SEL1L3: variants seen among roughly 807,000 people sequenced by gnomAD.
The protein encoded by SEL1L3 is SEL1L family member 3.
In SEL1L3, 76 loss-of-function variants were observed where a neutral mutation model predicts 142.8. The observed-to-expected ratio is 0.53, with a 90% confidence interval of 0.44 to 0.64. SEL1L3 has a LOEUF of 0.64. SEL1L3 is among the 30% of genes least tolerant of loss of function. SEL1L3 has a pLI of 0.00. For synonymous variants in SEL1L3, 504 were observed against 519.6 expected (o/e 0.97, Z 0.41); for missense variants, 1,262 against 1,381.7 (o/e 0.91, Z 1.37).
At chr4:25,719,007 T>C in the SEL1L3 span, 1 of 152,080 alleles carries the variant, frequency 6.6e-6, no homozygotes, top group Non-Finnish European at 1.5e-5. Context: ...AGAAACCCCG[T>C]CTCTACTAAA....
chr4:25,739,760 A>ATGTG, the SEL1L3 span, among the ~76,000 whole-genome samples: 261 of 146,530 alleles, frequency 1.8e-3, 1 homozygote, highest in Middle Eastern at 0.011. Context: ...AGAAAAAATA[A>ATGTG]TGTGTGTGTG....
At chr4:25,806,588 G>A (rs1414311447) in intron 9 of SEL1L3, among the ~76,000 whole-genome samples, 8 of 152,102 alleles carry the variant, frequency 5.3e-5, no homozygotes, top group Admixed American at 5.2e-4. Flanking sequence ...GGTGGGTTGG[G>A]TGTCCCTGAG....
chr4:25,798,870 G>A lies in SEL1L3; in HGVS notation c.1956+3413C>T, dbSNP rs116285754. On this transcript the variant is annotated intron_variant, in intron 11 of 23. Transcript: ENST00000399878. ...AAGAAAGAAAGACCGGGGAGGAGGG[G>A]GTCTCCATCTGCTAGGGCTGCCATA... Among the ~76,000 whole-genome samples the A allele has an allele frequency of 3.8e-3, 578 of 152,032 alleles. 2 individuals are homozygous for A. Among genetic ancestry groups the A allele is most frequent in the African/African-American group, 0.013 (547 of 41,464 alleles).
chr4:25,845,426 G>A (rs367594341), intron 2 of SEL1L3, among the ~76,000 whole-genome samples: 20 of 152,292 alleles, frequency 1.3e-4, no homozygotes, highest in East Asian at 1.2e-3. Flanking sequence ...AGCCCAGGAT[G>A]TTGAGGCTAT....
Position 25,757,602 on chromosome 4 carries a change from T to C in SEL1L3, c.3191A>G (p.Tyr1064Cys). The change falls in exon 23 of 24, where the codon TAC becomes TGC. Residue 1064 changes from tyrosine to cysteine, a missense_variant. By Grantham distance (194) the Tyr-to-Cys change is radical (BLOSUM62 -2). Around this residue, in one of 3 missense-constraint regions of SEL1L3, gnomAD observed 138 missense variants for 129.7 expected, o/e 1.06. Coordinates refer to ENST00000399878, the MANE Select transcript of SEL1L3 (RefSeq NM_015187.5). ...WGAILHSALI[Y>C]FLGTFLLSIL... ...GGATAGCAGAAAGGTTCCCAGAAAG[T>C]AGATCTGCAAACATCAGAAGCACGC... 7 of 1,552,368 alleles carry C rather than the reference T, an allele frequency of 4.5e-6. No individual in the cohort carries two copies. Among genetic ancestry groups the C allele is most frequent in the East Asian group, 2.4e-5 (1 of 41,034 alleles).
chr4:25,725,780 C>T, the SEL1L3 span, among the ~76,000 whole-genome samples: 4 of 152,206 alleles, frequency 2.6e-5, no homozygotes, highest in South Asian at 2.1e-4. Flanking sequence ...GGGTAACTTC[C>T]GGAGTTGCCA....
intron 9 of SEL1L3, among the ~76,000 whole-genome samples, chr4:25,815,040 A>T (rs1006056577): frequency 1.6e-4 from 25 of 152,222 alleles, no homozygotes; most frequent in Middle Eastern, 3.4e-3. Context: ...ATTCACCTAA[A>T]CTTCGGTTCT....
chr4:25,782,183 C>G, intron 15 of SEL1L3, 59 bp downstream of exon 15: 1 of 1,509,286 alleles, frequency 6.6e-7, no homozygotes, highest in Non-Finnish European at 9.1e-7. Context: ...GTACCTTCAA[C>G]AAATGCTTCA....
the SEL1L3 span, among the ~76,000 whole-genome samples, chr4:25,715,243 G>A: frequency 6.6e-6 from 1 of 152,154 alleles, no homozygotes; most frequent in African/African-American, 2.4e-5. Flanking sequence ...TGTAATCCCA[G>A]CACTTTGGGA....
chr4:25,730,267 G>A, the SEL1L3 span, among the ~76,000 whole-genome samples: 1 of 152,024 alleles, frequency 6.6e-6, no homozygotes, highest in African/African-American at 2.4e-5. Flanking sequence ...TGGTAATGGG[G>A]TTGCAAATTT....
intron 9 of SEL1L3, among the ~76,000 whole-genome samples, chr4:25,816,190 A>G (rs1714381521): frequency 6.7e-6 from 1 of 149,622 alleles, no homozygotes; most frequent in Non-Finnish European, 1.5e-5. Flanking sequence ...ACATATGCAC[A>G]CACATATACA....
chr4:25,723,458 T>A, the SEL1L3 span, among the ~76,000 whole-genome samples: 2 of 152,202 alleles, frequency 1.3e-5, no homozygotes, highest in African/African-American at 2.4e-5. Context: ...TGTGGTTGCT[T>A]GTTCCACAGT....
chr4:25,789,584 C>CA (rs55852462), intron 12 of SEL1L3, among the ~76,000 whole-genome samples: 117 of 124,744 alleles, frequency 9.4e-4, no homozygotes, highest in African/African-American at 2.5e-3. Flanking sequence ...GACCCTGAAT[C>CA]AAAAAAAAAA....
At chr4:25,815,083 C>T (rs1389947024) in intron 9 of SEL1L3, among the ~76,000 whole-genome samples, 1 of 152,182 alleles carries the variant, frequency 6.6e-6, no homozygotes, top group Non-Finnish European at 1.5e-5. Flanking sequence ...CAGGGAAAGG[C>T]AGGGAGAAGA....
At chr4:25,752,783 G>A (rs1717690478) in intron 23 of SEL1L3, among the ~76,000 whole-genome samples, 1 of 152,152 alleles carries the variant, frequency 6.6e-6, no homozygotes. Context: ...ACCATGCCCC[G>A]CTAATTTTTG....
chr4:25,734,068 G>C, the SEL1L3 span, among the ~76,000 whole-genome samples: 5 of 151,904 alleles, frequency 3.3e-5, no homozygotes, highest in Non-Finnish European at 1.5e-5. Flanking sequence ...CTGTCGCCCA[G>C]GTTGGAGTGC....
At chr4:25,746,245 C>T (rs1221280564), downstream of SEL1L3, among the ~76,000 whole-genome samples, 1 of 151,906 alleles carries the variant, frequency 6.6e-6, no homozygotes, top group Non-Finnish European at 1.5e-5. Context: ...AGGCCAGGCG[C>T]GGTGACTCAC....
chr4:25,763,901 T>C (rs529142765), intron 20 of SEL1L3, among the ~76,000 whole-genome samples: 7 of 152,250 alleles, frequency 4.6e-5, no homozygotes, highest in Non-Finnish European at 8.8e-5. Flanking sequence ...GGGATAAGTT[T>C]CCAGTTTTTG....
At chr4:25,841,421 A>T (rs756766553) in intron 2 of SEL1L3, among the ~76,000 whole-genome samples, 1 of 152,240 alleles carries the variant, frequency 6.6e-6, no homozygotes, top group South Asian at 2.1e-4. Context: ...CAAAGTGCTT[A>T]ACACACACAG....
Sources: gnomAD v4.1 joint callset for allele counts (sites outside exome capture counted in the v4.1 genomes callset) on GRCh38, gnomAD v4.1.1 for gene constraint, gnomAD v4.1.1 regional missense constraint, MANE v1.5 for transcripts, NCBI Gene and HGNC (gene_info 2026-07-23, HGNC 2026-07-21) for gene names.